Variants in PAPOLG observed in about 807,000 individuals in gnomAD.
The protein encoded by PAPOLG is PAP-gamma.
PAPOLG carries 40 observed loss-of-function variants against 99.0 expected under a neutral mutation model. That is an observed-to-expected ratio of 0.40 (90% confidence interval 0.31 to 0.53). The LOEUF (loss-of-function observed/expected upper bound fraction) is 0.53. PAPOLG is among the 20% of genes least tolerant of loss of function. The pLI, the probability that PAPOLG is intolerant of heterozygous loss-of-function variation, is 0.41. For missense variants in PAPOLG, 675 were observed against 884.1 expected (o/e 0.76, Z 3.00); for synonymous variants, 310 against 299.3 (o/e 1.04, Z -0.37).
chr2:60,793,530 C>G (rs1671605516), intron 17 of PAPOLG, 97 bp from the exon 18 acceptor site: 2 of 1,430,912 alleles, frequency 1.4e-6, no homozygotes, highest in Non-Finnish European at 1.9e-6. Flanking sequence ...TGCCACTGCA[C>G]TCCAACTTGG....
At chr2:60,780,660 A>C (rs1420852235) in intron 9 of PAPOLG, 47 bp from the exon 10 acceptor site, 1 of 1,568,800 alleles carries the variant, frequency 6.4e-7, no homozygotes, top group South Asian at 1.1e-5. Flanking sequence ...TTCATGTAGT[A>C]CCTGAAGTGA....
chr2:60,757,659 CTAATTT>C (rs1670388799), intron 1 of PAPOLG, among the ~76,000 whole-genome samples: 1 of 152,068 alleles, frequency 6.6e-6, no homozygotes, highest in Non-Finnish European at 1.5e-5. Context: ...GGAAAACACC[CTAATTT>C]AATTCTTTTC....
chr2:60,780,777 C>T lies in PAPOLG; in HGVS notation c.904C>T (p.Arg302Trp), dbSNP rs772397961. Reference sequence around the variant, plus strand: ...TTTGAATTTGCCTGTCTGGGATCCTCGGGTATGTGATTTATTATGGAGTTT... The same window carrying T: ...TTTGAATTTGCCTGTCTGGGATCCTTGGGTATGTGATTTATTATGGAGTTT... ...SNLNLPVWDP[R>W]VNPSDRYHLM... Residue 302 changes from arginine (R) to tryptophan (W), a missense_variant and splice_region_variant, in exon 10 of 22, where the codon CGG becomes TGG. By Grantham distance (101) the Arg-to-Trp change is moderately radical. Transcript: ENST00000238714. 5.6e-6 allele frequency: 9 copies of T among 1,608,058 alleles called. No homozygotes were observed. The highest frequency in any genetic ancestry group is 2.2e-5 in the East Asian group (1 of 44,854).
intron 5 of PAPOLG, among the ~76,000 whole-genome samples, chr2:60,769,255 C>G (rs562123764): frequency 1.3e-5 from 2 of 152,264 alleles, no homozygotes; most frequent in African/African-American, 4.8e-5. Context: ...ATGATTGATA[C>G]ATATCAAATG....
chr2:60,774,313 A>C (rs964068801), intron 7 of PAPOLG, among the ~76,000 whole-genome samples: 1 of 151,282 alleles, frequency 6.6e-6, no homozygotes. Flanking sequence ...TTATAAAAAA[A>C]GTTTGACCTC....
chr2:60,763,629 A>C (rs1405122041), intron 3 of PAPOLG, among the ~76,000 whole-genome samples: 1 of 152,046 alleles, frequency 6.6e-6, no homozygotes, highest in African/African-American at 2.4e-5. Context: ...TTAGCCGCCC[A>C]AGTAGCTGGG....
chr2:60,757,287 T>C (rs1670376881), intron 1 of PAPOLG, among the ~76,000 whole-genome samples: 1 of 152,180 alleles, frequency 6.6e-6, no homozygotes, highest in Non-Finnish European at 1.5e-5. Context: ...TAAAAAGAAA[T>C]CAAGCATTCC....
chr2:60,770,845 A>C (rs1034759046), intron 6 of PAPOLG, among the ~76,000 whole-genome samples: 1 of 152,022 alleles, frequency 6.6e-6, no homozygotes, highest in Admixed American at 6.6e-5. Flanking sequence ...GGATGGTCTC[A>C]ATCTCCTGAC....
intron 15 of PAPOLG, among the ~76,000 whole-genome samples, chr2:60,790,270 T>C (rs1183859145): frequency 6.6e-6 from 1 of 152,186 alleles, no homozygotes; most frequent in African/African-American, 2.4e-5. Context: ...AGGGCTTAAA[T>C]TTTTTAGAAA....
In PAPOLG at chr2:60,780,765, G is replaced by A. The variant is rs748418662; in HGVS notation, c.892G>A (p.Val298Ile). The change falls in exon 10 of 22, where the codon GTC becomes ATC. Residue 298 changes from valine to isoleucine, a missense_variant. Coordinates refer to ENST00000238714, the MANE Select transcript of PAPOLG (RefSeq NM_022894.4). ...QPEESNLNLP[V>I]WDPRVNPSDR... ...AGAAGAAAGCAATTTGAATTTGCCTGTCTGGGATCCTCGGGTATGTGATTT... is the reference window on the plus strand; with the variant it reads ...AGAAGAAAGCAATTTGAATTTGCCTATCTGGGATCCTCGGGTATGTGATTT... The A allele has an allele frequency of 7.4e-6, 12 of 1,613,258 alleles. No individual in the cohort carries two copies. Among genetic ancestry groups the A allele is most frequent in the Middle Eastern group, 1.6e-4 (1 of 6,062 alleles).
intron 7 of PAPOLG, among the ~76,000 whole-genome samples, chr2:60,773,439 G>C (rs1445431803): frequency 6.6e-6 from 1 of 152,134 alleles, no homozygotes; most frequent in African/African-American, 2.4e-5. Context: ...AATTTGGCAT[G>C]TTTGTGAGGT....
chr2:60,759,330 T>C (rs1670453351), intron 1 of PAPOLG, among the ~76,000 whole-genome samples: 1 of 150,388 alleles, frequency 6.6e-6, no homozygotes, highest in South Asian at 2.1e-4. Context: ...ATCTCCCCAA[T>C]GCACTCCAGC....
intron 7 of PAPOLG, among the ~76,000 whole-genome samples, chr2:60,772,935 C>G (rs548994692): frequency 1.3e-5 from 2 of 150,814 alleles, no homozygotes; most frequent in African/African-American, 4.9e-5. Flanking sequence ...CTTTTCTTTT[C>G]TTTTTTTTGA....
chr2:60,790,009 G>T (rs970852697), intron 15 of PAPOLG, among the ~76,000 whole-genome samples: 1 of 152,176 alleles, frequency 6.6e-6, no homozygotes, highest in Non-Finnish European at 1.5e-5. Context: ...CAGGAGAATC[G>T]CTTGAACCTG....
chr2:60,775,363 G>T (rs1195735813), intron 8 of PAPOLG, among the ~76,000 whole-genome samples: 11 of 152,148 alleles, frequency 7.2e-5, no homozygotes, highest in Non-Finnish European at 1.3e-4. Flanking sequence ...GTTCAGTCAG[G>T]CAGTCAGAAT....
chr2:60,791,973 A>C, intron 16 of PAPOLG, 91 bp downstream of exon 16: 1 of 1,491,296 alleles, frequency 6.7e-7, no homozygotes, highest in East Asian at 2.3e-5. Flanking sequence ...AAACCTATTG[A>C]GAAAAATAAG....
chr2:60,765,750 T>C (rs913314792), intron 3 of PAPOLG, among the ~76,000 whole-genome samples: 1 of 152,184 alleles, frequency 6.6e-6, no homozygotes, highest in Non-Finnish European at 1.5e-5. Context: ...CTTCTCAAAA[T>C]AGAAATGTGA....
intron 3 of PAPOLG, among the ~76,000 whole-genome samples, chr2:60,767,418 T>C (rs1350746623): frequency 6.6e-6 from 1 of 151,688 alleles, no homozygotes; most frequent in Non-Finnish European, 1.5e-5. Flanking sequence ...AGTTGTCCCA[T>C]TGCAGCCTCC....
intron 1 of PAPOLG, among the ~76,000 whole-genome samples, chr2:60,756,861 C>T (rs1217437134): frequency 6.6e-6 from 1 of 152,056 alleles, no homozygotes; most frequent in Non-Finnish European, 1.5e-5. Context: ...AAATACCATC[C>T]CCCTGCCTCC....
Sources: gnomAD v4.1 joint callset for allele counts (sites outside exome capture counted in the v4.1 genomes callset) on GRCh38, gnomAD v4.1.1 for gene constraint, MANE v1.5 for transcripts, NCBI Gene and HGNC (gene_info 2026-07-23, HGNC 2026-07-21) for gene names.